ARAP2: variants seen among roughly 807,000 people sequenced by gnomAD.
The protein encoded by ARAP2 is arf-GAP with Rho-GAP domain, ANK repeat and PH domain-containing protein 2.
ARAP2 carries 148 observed loss-of-function variants against 194.5 expected under a neutral mutation model. The ratio of observed to expected loss-of-function variants is 0.76; its 90% CI spans 0.67 to 0.87. The LOEUF (loss-of-function observed/expected upper bound fraction) is 0.87. Ranked by LOEUF, ARAP2 falls within the 40% of genes least tolerant of loss-of-function variation. ARAP2 has a pLI of 0.00. For synonymous variants in ARAP2, 695 were observed against 683.5 expected (o/e 1.02, Z -0.26); for missense variants, 2,128 against 1,989.7 (o/e 1.07, Z -1.32).
chr4:36,177,373 A>G (rs1272220875), intron 9 of ARAP2, among the ~76,000 whole-genome samples: 2 of 152,258 alleles, frequency 1.3e-5, no homozygotes, highest in East Asian at 3.9e-4. Context: ...GTTCAAAATA[A>G]AACAGACCAA....
chr4:36,051,996 C>T (rs762810956), intron 3 of ARAP2: 16 of 152,138 alleles, frequency 1.1e-4, no homozygotes, highest in East Asian at 1.9e-4. Context: ...ACACCTTTAA[C>T]GAAACTAACC....
chr4:36,127,653 A>G (rs777137803), intron 21 of ARAP2, among the ~76,000 whole-genome samples: 4 of 152,018 alleles, frequency 2.6e-5, no homozygotes, highest in Non-Finnish European at 4.4e-5. Context: ...ATATGAGACA[A>G]ACACATTATA....
At chr4:36,110,750 A>G (rs1020353235) in intron 26 of ARAP2, among the ~76,000 whole-genome samples, 3 of 151,974 alleles carry the variant, frequency 2.0e-5, no homozygotes, top group African/African-American at 4.8e-5. Flanking sequence ...TGTTTTAGTC[A>G]GAACTTCCTG....
intron 27 of ARAP2, among the ~76,000 whole-genome samples, chr4:36,101,071 C>T (rs1716776895): frequency 6.6e-6 from 1 of 151,996 alleles, no homozygotes; most frequent in African/African-American, 2.4e-5. Context: ...ATAGCATTTA[C>T]ATTGCATTAG....
At chr4:36,220,637 A>G (rs1748936110) in intron 2 of ARAP2, among the ~76,000 whole-genome samples, 1 of 152,068 alleles carries the variant, frequency 6.6e-6, no homozygotes, top group African/African-American at 2.4e-5. Flanking sequence ...CATTGTTATC[A>G]TAGGTGATGA....
chr4:36,119,897 A>G (rs994049697), intron 23 of ARAP2, among the ~76,000 whole-genome samples, 179 bp from the exon 24 acceptor site: 2 of 151,472 alleles, frequency 1.3e-5, no homozygotes, highest in African/African-American at 4.8e-5. Flanking sequence ...AAGATAGAGT[A>G]TCCTAAAGTT....
intron 9 of ARAP2, among the ~76,000 whole-genome samples, chr4:36,173,543 GA>G (rs1281887300): frequency 6.6e-6 from 1 of 151,568 alleles, no homozygotes; most frequent in Non-Finnish European, 1.5e-5. Context: ...AAATAGTTCA[GA>G]AAAAAATTGT....
At chr4:36,036,610 G>T (rs961193697) in intron 5 of ARAP2, among the ~76,000 whole-genome samples, 21 of 152,158 alleles carry the variant, frequency 1.4e-4, no homozygotes, top group Non-Finnish European at 2.2e-4. Context: ...ACCACAGTAA[G>T]TATTTCATAG....
chr4:36,101,869 A>G (rs1346141762), intron 27 of ARAP2, among the ~76,000 whole-genome samples: 2 of 152,036 alleles, frequency 1.3e-5, no homozygotes, highest in African/African-American at 4.8e-5. Context: ...CACCATCACT[A>G]TCAACCACAA....
intron 11 of ARAP2, among the ~76,000 whole-genome samples, chr4:36,162,094 C>T (rs185825460): frequency 0.021 from 2,466 of 120,278 alleles, 80 homozygotes; most frequent in African/African-American, 0.075. Context: ...GGCGACAGAG[C>T]GAGACTCCGT....
intron 28 of ARAP2, among the ~76,000 whole-genome samples, chr4:36,084,970 C>T (rs964945972): frequency 6.6e-5 from 10 of 152,002 alleles, no homozygotes; most frequent in African/African-American, 1.9e-4. Flanking sequence ...CTTATCTACA[C>T]GGATAGGGTA....
At chr4:36,151,079 G>A (rs1442118236) in intron 15 of ARAP2, 35 bp from the exon 16 acceptor site, 9 of 1,549,786 alleles carry the variant, frequency 5.8e-6, no homozygotes, top group Non-Finnish European at 7.8e-6. Context: ...AACAAATTGA[G>A]CTAATCACGA....
chr4:36,207,076 G>A (rs1056375398), intron 6 of ARAP2, among the ~76,000 whole-genome samples: 7 of 152,122 alleles, frequency 4.6e-5, no homozygotes, highest in South Asian at 2.1e-4. Flanking sequence ...GCATCTCCTC[G>A]AAGAGGCACA....
chr4:36,027,080 C>T lies in ARAP2; in HGVS notation n.608-7794G>A, dbSNP rs534781128. ...AGTGTGAACTGGTCCTTGAATAATT[C>T]TTTTAAATCTTTTGCAAGACTCAGA... On this transcript the variant is annotated intron_variant and non_coding_transcript_variant, in intron 5 of 12. Coordinates refer to the ARAP2 transcript ENST00000503225. Among the ~76,000 whole-genome samples the T allele has an allele frequency of 2.6e-5, 4 of 152,252 alleles. No individual in the cohort carries two copies. The South Asian group carries it at 8.3e-4, about 32-fold the overall frequency.
Position 36,134,385 on chromosome 4 carries a change from A to G in ARAP2, c.3264-996T>C, listed in dbSNP as rs981563944. Among the ~76,000 whole-genome samples, 7 of 151,538 alleles carry G rather than the reference A, an allele frequency of 4.6e-5. No individual in the cohort carries two copies. In the South Asian group the frequency reaches 8.3e-4, roughly 18 times the overall value. On this transcript the variant is annotated intron_variant, in intron 19 of 32. Coordinates refer to ENST00000303965, the MANE Select transcript of ARAP2 (RefSeq NM_015230.4). ...AGTCTCTTTACCCAACCACTGCCAC[A>G]TGTCTTCAGTCACAAAATTCTGTTG...
chr4:36,073,932 T>C, intron 31 of ARAP2, 109 bp from the exon 32 acceptor site: 1 of 1,339,570 alleles, frequency 7.5e-7, no homozygotes, highest in East Asian at 2.3e-5. Context: ...ATGATCTGAT[T>C]TCCATGAGAA....
At chr4:36,242,948 G>T (rs544115801) in intron 1 of ARAP2, among the ~76,000 whole-genome samples, 1 of 152,252 alleles carries the variant, frequency 6.6e-6, no homozygotes, top group Non-Finnish European at 1.5e-5. Context: ...TGTTTAGAAA[G>T]AAGCCAGGAA....
chr4:36,207,745 A>C (rs11945865), intron 6 of ARAP2, among the ~76,000 whole-genome samples: 9,448 of 152,174 alleles, frequency 0.062, 1,006 homozygotes, highest in African/African-American at 0.22. Context: ...TATTTTGATA[A>C]TTTATGTGCA....
chr4:36,242,556 A>G (rs535644611), intron 1 of ARAP2, among the ~76,000 whole-genome samples: 2 of 152,328 alleles, frequency 1.3e-5, no homozygotes, highest in South Asian at 2.1e-4. Context: ...TCAATGCGTT[A>G]AAGTTCTTAA....
Sources: gnomAD v4.1 joint callset for allele counts (sites outside exome capture counted in the v4.1 genomes callset) on GRCh38, gnomAD v4.1.1 for gene constraint, MANE v1.5 for transcripts, NCBI Gene and HGNC (gene_info 2026-07-23, HGNC 2026-07-21) for gene names.